Variants in LRRTM3 observed in about 807,000 individuals in gnomAD.
LRRTM3 encodes the protein leucine-rich repeat transmembrane neuronal protein 3.
A neutral mutation model predicts 44.7 loss-of-function variants in LRRTM3; 24 were observed. That is an observed-to-expected ratio of 0.54 (90% CI 0.39 to 0.76). The LOEUF (loss-of-function observed/expected upper bound fraction) is 0.76. LRRTM3 is among the 30% of genes least tolerant of loss of function. LRRTM3 has a pLI of 0.00. For missense variants in LRRTM3, 587 were observed against 702.2 expected, an observed-to-expected ratio of 0.84 and a Z score of 1.85; for synonymous variants, 277 against 278.7, an observed-to-expected ratio of 0.99 and a Z score of 0.06.
intron 2 of LRRTM3, among the ~76,000 whole-genome samples, chr10:67,025,131 AAAAC>A (rs1201627254): frequency 6.4e-5 from 7 of 110,206 alleles, no homozygotes; most frequent in South Asian, 4.3e-4. Flanking sequence ...AACTCTGTCA[AAAAC>A]AAAAAAAAAA....
intron 2 of LRRTM3, among the ~76,000 whole-genome samples, chr10:66,959,804 G>C (rs886359573): frequency 3.3e-5 from 5 of 152,104 alleles, no homozygotes; most frequent in Non-Finnish European, 7.4e-5. Context: ...TCAGGAGTAA[G>C]AAACTTTGCT....
At chr10:67,001,765 T>C (rs1851703162) in intron 2 of LRRTM3, among the ~76,000 whole-genome samples, 1 of 152,158 alleles carries the variant, frequency 6.6e-6, no homozygotes, top group African/African-American at 2.4e-5. Context: ...ACACTCACAC[T>C]ATCTCAAAGC....
intron 2 of LRRTM3, among the ~76,000 whole-genome samples, chr10:66,937,008 T>A (rs935939045): frequency 2.6e-5 from 4 of 152,182 alleles, no homozygotes; most frequent in African/African-American, 9.6e-5. Context: ...AGTATTTTTC[T>A]CAAACATGAG....
At chr10:66,949,015 A>C (rs536517641) in intron 2 of LRRTM3, among the ~76,000 whole-genome samples, 1 of 152,084 alleles carries the variant, frequency 6.6e-6, no homozygotes, top group Non-Finnish European at 1.5e-5. Context: ...TGATTAGGAG[A>C]CTCTGGAAAA....
intron 2 of LRRTM3, among the ~76,000 whole-genome samples, chr10:67,084,532 A>G (rs1200539286): frequency 2.0e-5 from 3 of 152,090 alleles, no homozygotes; most frequent in East Asian, 3.9e-4. Context: ...ATGAGAAAAA[A>G]TCATTTTCAC....
At chr10:67,085,437 A>G (rs1159379317) in intron 2 of LRRTM3, among the ~76,000 whole-genome samples, 1 of 151,932 alleles carries the variant, frequency 6.6e-6, no homozygotes, top group Admixed American at 6.6e-5. Context: ...TAGGTAAGAC[A>G]CTGAGAAGAG....
intron 2 of LRRTM3, among the ~76,000 whole-genome samples, chr10:67,023,686 C>T (rs979547039): frequency 1.6e-4 from 24 of 152,112 alleles, no homozygotes; most frequent in African/African-American, 4.8e-4. Context: ...CAATATGTAT[C>T]GATCTATTTC....
At chr10:67,095,245 A>C (rs1282147102) in intron 2 of LRRTM3, among the ~76,000 whole-genome samples, 1 of 151,702 alleles carries the variant, frequency 6.6e-6, no homozygotes. Flanking sequence ...AGATAGAATC[A>C]ACTTTAAAAT....
rs1858102877 is a variant in LRRTM3 at position 67,097,811 on chromosome 10, A to G, written c.*15A>G. On this transcript the variant is annotated 3_prime_UTR_variant, in exon 3 of 3. Transcript: ENST00000361320. ...AGCTAGCTTAACTGAGATCATTGGT[A>G]GCCAGGGGTTGCTACCAAACTTTGT... The G allele has an allele frequency of 6.2e-7, 1 of 1,611,186 alleles. No individual in the cohort carries two copies. Among genetic ancestry groups the G allele is most frequent in the African/African-American group, 1.3e-5 (1 of 74,772 alleles).
At chr10:67,041,237 G>C (rs922210602) in intron 2 of LRRTM3, among the ~76,000 whole-genome samples, 2 of 152,090 alleles carry the variant, frequency 1.3e-5, no homozygotes, top group Admixed American at 6.6e-5. Flanking sequence ...GATGTGATGA[G>C]CTAGTGTTAG....
chr10:67,006,004 ATTAT>A (rs1188395547), intron 2 of LRRTM3, among the ~76,000 whole-genome samples: 1 of 151,536 alleles, frequency 6.6e-6, no homozygotes, highest in Non-Finnish European at 1.5e-5. Context: ...GATTTTTTTG[ATTAT>A]TTATTTTGAA....
At position 67,099,891 on chromosome 10, in the gene LRRTM3, G is replaced by A. The variant is rs879447733; in HGVS notation, c.*2095G>A. On this transcript the variant is annotated 3_prime_UTR_variant, in exon 3 of 3. Coordinates refer to ENST00000361320, the MANE Select transcript of LRRTM3 (RefSeq NM_178011.5). ...CTACATTGAAATTTGGCTTTACGTC[G>A]TTAGCAAATTTATAAAGGGTTATAA... The A allele has an allele frequency of 4.6e-5, 7 of 151,470 alleles. No individual in the cohort carries two copies. The highest frequency in any genetic ancestry group is 7.3e-5 in the African/African-American group (3 of 41,372). 9.4% of individuals were successfully genotyped at this position (151,470 alleles called of 1,614,324 possible).
chr10:67,092,015 G>A (rs1857673262), intron 2 of LRRTM3, among the ~76,000 whole-genome samples: 1 of 151,874 alleles, frequency 6.6e-6, no homozygotes, highest in Non-Finnish European at 1.5e-5. Context: ...AAGTTTAGTA[G>A]ATGAAAAATA....
At chr10:66,987,084 T>G (rs900271445) in intron 2 of LRRTM3, among the ~76,000 whole-genome samples, 1 of 152,202 alleles carries the variant, frequency 6.6e-6, no homozygotes, top group Non-Finnish European at 1.5e-5. Flanking sequence ...AGTCCCGACG[T>G]GAAGTCCTTT....
intron 2 of LRRTM3, among the ~76,000 whole-genome samples, chr10:66,932,809 T>C (rs1451642989): frequency 6.6e-6 from 1 of 152,194 alleles, no homozygotes; most frequent in East Asian, 1.9e-4. Flanking sequence ...TGATTTTGGA[T>C]ACTTAATACT....
intron 2 of LRRTM3, among the ~76,000 whole-genome samples, chr10:66,953,065 A>G (rs1394280441): frequency 2.6e-5 from 4 of 152,128 alleles, no homozygotes. Context: ...AAACAACTCT[A>G]GTGTACAGAG....
At chr10:66,968,785 GGT>G (rs1291155218) in intron 2 of LRRTM3, among the ~76,000 whole-genome samples, 14 of 152,104 alleles carry the variant, frequency 9.2e-5, no homozygotes, top group Admixed American at 5.9e-4. Flanking sequence ...GGGAGGCCAA[GGT>G]GGGCAGATTA....
chr10:66,948,704 A>C (rs865844652), intron 2 of LRRTM3, among the ~76,000 whole-genome samples: 2 of 152,222 alleles, frequency 1.3e-5, no homozygotes, highest in Admixed American at 6.5e-5. Context: ...CAATCACACC[A>C]ACTGATGAAA....
At chr10:67,071,886 C>G (rs897786421) in intron 2 of LRRTM3, among the ~76,000 whole-genome samples, 4 of 152,146 alleles carry the variant, frequency 2.6e-5, no homozygotes, top group African/African-American at 9.7e-5. Context: ...CCCTAGCAAA[C>G]TCTTAATTTC....
Sources: allele counts gnomAD v4.1 joint callset (sites outside exome capture counted in the v4.1 genomes callset), GRCh38; gene constraint gnomAD v4.1.1; transcripts MANE v1.5; gene names NCBI Gene and HGNC (gene_info 2026-07-23, HGNC 2026-07-21).